The following DLC1 variants were observed in gnomAD, a reference collection of about 807,000 sequenced individuals.
The protein encoded by DLC1 is rho GTPase-activating protein 7.
DLC1 carries 54 observed loss-of-function variants against 140.3 expected under a neutral mutation model. The ratio of observed to expected loss-of-function variants is 0.38; its 90% CI spans 0.31 to 0.48. DLC1 has a LOEUF of 0.48. Among genes scored for constraint, DLC1 ranks in the 20% least tolerant of loss-of-function variants. The pLI, the probability that DLC1 is intolerant of heterozygous loss-of-function variation, is 0.96. For synonymous variants in DLC1, 986 were observed against 728.1 expected, an observed-to-expected ratio of 1.35 and a Z score of -5.70; for missense variants, 2,536 against 1,907.0, an observed-to-expected ratio of 1.33 and a Z score of -6.14.
chr8:13,572,694 A>G (rs1804704439), intron 1 of DLC1, among the ~76,000 whole-genome samples: 1 of 152,082 alleles, frequency 6.6e-6, no homozygotes. Flanking sequence ...ATTCTTTTGT[A>G]TGTGGTGATA....
intron 1 of DLC1, among the ~76,000 whole-genome samples, chr8:13,575,858 C>G (rs756165476): frequency 6.6e-6 from 1 of 152,104 alleles, no homozygotes; most frequent in African/African-American, 2.4e-5. Flanking sequence ...TAAAGGAAGG[C>G]TTTGTATTGT....
At chr8:13,482,652 A>G (rs1800789236) in intron 2 of DLC1, among the ~76,000 whole-genome samples, 1 of 152,208 alleles carries the variant, frequency 6.6e-6, no homozygotes, top group African/African-American at 2.4e-5. Flanking sequence ...GAGAGATATT[A>G]GGTAGAACTT....
At chr8:13,473,315 C>T (rs1258635283) in intron 2 of DLC1, among the ~76,000 whole-genome samples, 2 of 152,100 alleles carry the variant, frequency 1.3e-5, no homozygotes, top group Non-Finnish European at 2.9e-5. Flanking sequence ...ATCATGGGGG[C>T]AGGTCTTTCC....
In DLC1 at chr8:13,496,804, TTTTTTTTTTTTTTTG is replaced by T. The variant is rs1563397875; in HGVS notation, c.1023+2230_1023+2244del. Among the ~76,000 whole-genome samples, 775 of 126,538 alleles carry T rather than the reference TTTTTTTTTTTTTTTG, an allele frequency of 6.1e-3. 91 individuals carry two copies. Among genetic ancestry groups the T allele is most frequent in the African/African-American group, 0.022 (736 of 33,424 alleles). 83.0% of individuals were successfully genotyped at this position (126,538 alleles called of 152,430 possible). A position where few individuals can be genotyped will look rare whatever the true frequency, so the allele number is the denominator to read the frequency against. On this transcript the variant is annotated intron_variant, in intron 2 of 17. Transcript: ENST00000276297. ...CCATTTCCTTTTTTTTTTTTTTTTT[TTTTTTTTTTTTTTTG>T]AGATGGAGTTTCGCTGTGTCACCCA...
intron 7 of DLC1, among the ~76,000 whole-genome samples, chr8:13,107,880 T>C (rs1563613100): frequency 6.6e-6 from 1 of 151,726 alleles, no homozygotes; most frequent in Non-Finnish European, 1.5e-5. Flanking sequence ...CCATCTCTAC[T>C]AAAAAAATAC....
intron 5 of DLC1, among the ~76,000 whole-genome samples, chr8:13,301,612 G>A (rs1443676767): frequency 1.3e-5 from 2 of 152,186 alleles, no homozygotes; most frequent in South Asian, 2.1e-4. Flanking sequence ...GGAAGCAGAT[G>A]TGCTTGAGGG....
chr8:13,239,108 G>A (rs576555852), intron 5 of DLC1, among the ~76,000 whole-genome samples: 14 of 152,278 alleles, frequency 9.2e-5, no homozygotes, highest in African/African-American at 3.4e-4. Context: ...CAGTTTGAGT[G>A]TGCGTATCTG....
chr8:13,275,987 TA>T (rs1277985212), intron 5 of DLC1, among the ~76,000 whole-genome samples: 3 of 152,176 alleles, frequency 2.0e-5, no homozygotes, highest in African/African-American at 7.2e-5. Context: ...TTTTGAAGGT[TA>T]AAAAACCCCA....
chr8:13,405,187 G>A (rs1837470970), intron 2 of DLC1, among the ~76,000 whole-genome samples: 1 of 151,954 alleles, frequency 6.6e-6, no homozygotes, highest in Admixed American at 6.6e-5. Context: ...GTGCAGGCTT[G>A]TTACATGGGT....
At chr8:13,330,701 G>C (rs1307902894) in intron 4 of DLC1, among the ~76,000 whole-genome samples, 2 of 152,186 alleles carry the variant, frequency 1.3e-5, no homozygotes, top group African/African-American at 4.8e-5. Context: ...AGTGAGAGGG[G>C]ATGAGGTGAC....
exon 1 of DLC1, chr8:13,604,548 CAT>C (rs1226808546): frequency 6.6e-6 from 1 of 152,162 alleles, no homozygotes; most frequent in Non-Finnish European, 1.5e-5. Context: ...TGGTTAATCA[CAT>C]GTGTTATTCC....
intron 5 of DLC1, among the ~76,000 whole-genome samples, chr8:13,253,309 T>C (rs1005691403): frequency 6.6e-6 from 1 of 152,246 alleles, no homozygotes; most frequent in Non-Finnish European, 1.5e-5. Flanking sequence ...CTTGCACAGA[T>C]GTCAGAGAGT....
At chr8:13,482,693 C>T (rs891934845) in intron 2 of DLC1, among the ~76,000 whole-genome samples, 4 of 152,086 alleles carry the variant, frequency 2.6e-5, no homozygotes, top group African/African-American at 4.8e-5. Context: ...GACGTGATTA[C>T]GCGATTTAAT....
At chr8:13,313,460 A>G (rs770322718) in intron 4 of DLC1, among the ~76,000 whole-genome samples, 1 of 152,206 alleles carries the variant, frequency 6.6e-6, no homozygotes, top group Non-Finnish European at 1.5e-5. Flanking sequence ...GCACTTTTCT[A>G]GAACTCTCTG....
chr8:13,509,871 T>C (rs1043062514), intron 1 of DLC1, among the ~76,000 whole-genome samples: 1 of 152,136 alleles, frequency 6.6e-6, no homozygotes, highest in African/African-American at 2.4e-5. Flanking sequence ...CTCAGTTCTG[T>C]AATGGGAATA....
upstream of DLC1, among the ~76,000 whole-genome samples, chr8:13,517,828 A>C (rs1475353156): frequency 2.6e-5 from 4 of 152,226 alleles, no homozygotes; most frequent in African/African-American, 9.6e-5. Flanking sequence ...CGGGGTGAGG[A>C]TGTCTTAGCT....
At chr8:13,122,120 C>T (rs1335224110) in intron 5 of DLC1, among the ~76,000 whole-genome samples, 6 of 152,176 alleles carry the variant, frequency 3.9e-5, no homozygotes, top group South Asian at 2.1e-4. Flanking sequence ...CAAGGATCCC[C>T]GAGCCACTGG....
At position 13,092,723 on chromosome 8, in the gene DLC1, T is replaced by A; in HGVS notation, c.3629A>T (p.Asp1210Val). ...VLQTLLYFLSDVTAAVKENQM... is the reference protein window; with the variant it reads ...VLQTLLYFLSVVTAAVKENQM... ...GTTTTCTTTTACGGCTGCTGTGACA[T>A]CGCTCAGGAAATAAAGCAGGGTCTG... Residue 1210 changes from aspartate (D) to valine (V), a missense_variant, in exon 13 of 18, where the codon GAT becomes GTT. Transcript: ENST00000276297. The A allele has an allele frequency of 6.2e-7, 1 of 1,614,132 alleles. No individual in the cohort carries two copies. The highest frequency in any genetic ancestry group is 1.3e-5 in the African/African-American group (1 of 75,020).
At chr8:13,260,603 T>G (rs1329083174) in intron 5 of DLC1, among the ~76,000 whole-genome samples, 1 of 151,626 alleles carries the variant, frequency 6.6e-6, no homozygotes, top group African/African-American at 2.4e-5. Flanking sequence ...AGTTTAAAGG[T>G]GAGGATAGGA....
Sources: allele counts gnomAD v4.1 joint callset (sites outside exome capture counted in the v4.1 genomes callset), GRCh38; gene constraint gnomAD v4.1.1; transcripts MANE v1.5; gene names NCBI Gene and HGNC (gene_info 2026-07-23, HGNC 2026-07-21).